TGFBR2: variants seen among roughly 807,000 people sequenced by gnomAD.
TGFBR2 encodes transforming growth factor beta receptor 2.
Under a neutral mutation model 49.0 loss-of-function variants are expected in TGFBR2, and 18 were observed. That is an observed-to-expected ratio of 0.37 (90% confidence interval 0.25 to 0.54). TGFBR2 has a LOEUF of 0.54. Ranked by LOEUF, TGFBR2 falls within the 20% of genes least tolerant of loss-of-function variation. The pLI, the probability that TGFBR2 is intolerant of heterozygous loss-of-function variation, is 0.85. For synonymous variants in TGFBR2, 282 were observed against 275.9 expected, an observed-to-expected ratio of 1.02 and a Z score of -0.22; for missense variants, 525 against 722.6, an observed-to-expected ratio of 0.73 and a Z score of 3.13.
intron 1 of TGFBR2, among the ~76,000 whole-genome samples, chr3:30,619,425 A>G (rs972445336): frequency 6.6e-6 from 1 of 152,174 alleles, no homozygotes; most frequent in Non-Finnish European, 1.5e-5. Context: ...TATGAATCCT[A>G]GATCATCACA....
intron 2 of TGFBR2, among the ~76,000 whole-genome samples, chr3:30,648,411 A>G (rs1195730974): frequency 1.0e-5 from 1 of 97,922 alleles, no homozygotes; most frequent in Non-Finnish European, 2.1e-5. Flanking sequence ...CCCAAACCAA[A>G]AACAACCTAC....
rs574133875 is a variant in TGFBR2, at chr3:30,644,778, C to T, written c.126C>T (p.Asn42=). The change falls in exon 2 of 7, where the codon AAC becomes AAT. Residue 42 remains asparagine (N), a synonymous_variant. Transcript: ENST00000295754. ...VNNDMIVTDN[N]GAVKFPQLCK... ...ACGACATGATAGTCACTGACAACAA[C>T]GGTGCAGTCAAGTTTCCACAACTGT... The T allele has an allele frequency of 8.7e-5, 140 of 1,614,104 alleles. 1 individual carries two copies. The highest frequency in any genetic ancestry group is 7.5e-4 in the South Asian group (68 of 91,072).
upstream of TGFBR2, chr3:30,606,372 T>C (rs1338694646): frequency 4.4e-6 from 1 of 225,916 alleles, no homozygotes; most frequent in Non-Finnish European, 8.8e-6. Context: ...GAGTAAATAC[T>C]TGGAGCGAGG....
intron 1 of TGFBR2, among the ~76,000 whole-genome samples, chr3:30,632,882 A>G (rs543545878): frequency 1.3e-5 from 2 of 152,362 alleles, no homozygotes; most frequent in East Asian, 3.9e-4. Context: ...TTTTTACCTT[A>G]AAACTCTTGG....
At chr3:30,640,449 A>G (rs1043153744) in intron 1 of TGFBR2, among the ~76,000 whole-genome samples, 2 of 152,234 alleles carry the variant, frequency 1.3e-5, no homozygotes, top group African/African-American at 2.4e-5. Flanking sequence ...ACCAAAATCT[A>G]CAGATGTTTA....
chr3:30,627,266 C>T (rs1012445708), intron 1 of TGFBR2, among the ~76,000 whole-genome samples: 1 of 152,046 alleles, frequency 6.6e-6, no homozygotes, highest in Admixed American at 6.6e-5. Context: ...CTTCTTTTTC[C>T]TAGGCCTCCC....
chr3:30,613,525 T>TGA lies in TGFBR2; in HGVS notation c.94+6573_94+6574dup, dbSNP rs34082216. ...CTCTGTGTGTGTGTGTGTCTGTATG[T>TGA]GAGAGAGAGAGAGAGAGAGAGAGAG... On this transcript the variant is annotated intron_variant, in intron 1 of 6. Coordinates refer to ENST00000295754, the MANE Select transcript of TGFBR2 (RefSeq NM_003242.6). Among the ~76,000 whole-genome samples, 216 of 148,584 alleles carry TGA rather than the reference T, an allele frequency of 1.5e-3. 2 individuals carry two copies. The highest frequency in any genetic ancestry group is 9.2e-3 in the South Asian group (43 of 4,680).
At chr3:30,614,115 C>CTTTTTTTTTTTTTTTTTTTTTTTTTCTT (rs5847643) in intron 1 of TGFBR2, among the ~76,000 whole-genome samples, 1 of 120,632 alleles carries the variant, frequency 8.3e-6, no homozygotes, top group Non-Finnish European at 1.7e-5. Context: ...TTTTTCTTTC[C>CTTTTTTTTTTTTTTTTTTTTTTTTTCTT]TTTTTTTTTT....
chr3:30,611,770 G>C (rs947106965), intron 1 of TGFBR2, among the ~76,000 whole-genome samples: 6 of 152,202 alleles, frequency 3.9e-5, no homozygotes, highest in African/African-American at 2.4e-5. Flanking sequence ...AGAGTAGCGT[G>C]GATATTATTT....
chr3:30,693,234 C>T lies in TGFBR2; in HGVS notation c.*1635C>T, dbSNP rs1305458601. The T allele has an allele frequency of 4.3e-6, 1 of 233,650 alleles. No homozygotes were observed. The highest frequency in any genetic ancestry group is 8.5e-6 in the Non-Finnish European group (1 of 118,020). The allele number at this position is 233,650 out of a possible 1,614,324, so 14.5% of individuals were successfully genotyped here. The stretch of plus-strand genomic sequence containing the variant: ...CTCCAAGAAGCTTTCCTCATGGTTA[C>T]CGTTCTCTCCATCATGCCAGCCTTC... On this transcript the variant is annotated 3_prime_UTR_variant, in exon 7 of 7. Coordinates refer to ENST00000295754, the MANE Select transcript of TGFBR2 (RefSeq NM_003242.6).
In TGFBR2 at chr3:30,691,909, TTA is replaced by T. The variant is rs4016180; in HGVS notation, c.*328_*329del. 69,572 of 241,958 alleles carry T rather than the reference TTA, an allele frequency of 0.29. 9,907 individuals are homozygous for T. Among genetic ancestry groups the T allele is most frequent in the Non-Finnish European group, 0.32 (39,312 of 122,134 alleles). 15.0% of individuals were successfully genotyped at this position (241,958 alleles called of 1,614,324 possible). ...GTATATAAATATGAATAGCTATGTTTTATATATATATATATATATCTATATAT... is the reference window on the plus strand; with the variant it reads ...GTATATAAATATGAATAGCTATGTTTTATATATATATATATATCTATATAT... On this transcript the variant is annotated 3_prime_UTR_variant, in exon 7 of 7. Coordinates refer to ENST00000295754, the MANE Select transcript of TGFBR2 (RefSeq NM_003242.6).
At chr3:30,691,366 CT>C (rs1699705907) in intron 6 of TGFBR2, 53 bp from the exon 7 acceptor site, 1 of 1,602,156 alleles carries the variant, frequency 6.2e-7, no homozygotes, top group East Asian at 2.2e-5. Flanking sequence ...GCCACCTTGC[CT>C]TCCGCGGAGC....
chr3:30,636,852 C>G (rs1210020696), intron 1 of TGFBR2, among the ~76,000 whole-genome samples: 2 of 151,804 alleles, frequency 1.3e-5, no homozygotes, highest in Non-Finnish European at 2.9e-5. Flanking sequence ...ATCACGAGGT[C>G]AGGAGATCGA....
intron 1 of TGFBR2, among the ~76,000 whole-genome samples, chr3:30,618,021 A>G (rs891685459): frequency 6.6e-6 from 1 of 152,194 alleles, no homozygotes; most frequent in Non-Finnish European, 1.5e-5. Flanking sequence ...GAGTTGGCTT[A>G]GTTTTATGAG....
At chr3:30,680,206 G>A (rs1159035465) in intron 5 of TGFBR2, among the ~76,000 whole-genome samples, 1 of 145,272 alleles carries the variant, frequency 6.9e-6, no homozygotes, top group African/African-American at 2.6e-5. Flanking sequence ...GTGCATCCTG[G>A]CAGTAGATAT....
chr3:30,663,266 A>G (rs941506244), intron 3 of TGFBR2, among the ~76,000 whole-genome samples: 1 of 130,348 alleles, frequency 7.7e-6, no homozygotes, highest in African/African-American at 2.9e-5. Flanking sequence ...AGTACAGTCC[A>G]TATTCAGATT....
rs1699745108 is a variant in TGFBR2, at chr3:30,693,348, A to G, written c.*1749A>G. 4.3e-6 allele frequency: 1 copy of G among 233,824 alleles called. No homozygotes were observed. Among genetic ancestry groups the G allele is most frequent in the East Asian group, 6.0e-5 (1 of 16,698 alleles). The allele number at this position is 233,824 out of a possible 1,614,324, so 14.5% of individuals were successfully genotyped here. A position where few individuals can be genotyped will look rare whatever the true frequency, so the allele number is the denominator to read the frequency against. ...TAGAAAATTTGTGTCCACAAGGACAAGAACAAAGTATGAGCTTTAAAACTC... is the reference window on the plus strand; with the variant it reads ...TAGAAAATTTGTGTCCACAAGGACAGGAACAAAGTATGAGCTTTAAAACTC... On this transcript the variant is annotated 3_prime_UTR_variant, in exon 7 of 7. Transcript: ENST00000295754.
intron 1 of TGFBR2, among the ~76,000 whole-genome samples, chr3:30,622,090 CA>C (rs1698241182): frequency 6.6e-6 from 1 of 152,184 alleles, no homozygotes; most frequent in Non-Finnish European, 1.5e-5. Context: ...AAGTGAAAAA[CA>C]ATGCTTGACC....
chr3:30,636,327 A>G (rs542330048), intron 1 of TGFBR2, among the ~76,000 whole-genome samples: 5 of 152,294 alleles, frequency 3.3e-5, no homozygotes, highest in East Asian at 3.9e-4. Context: ...TTTAAAAACT[A>G]TATTAGTATT....
Sources: allele counts gnomAD v4.1 joint callset (sites outside exome capture counted in the v4.1 genomes callset), GRCh38; gene constraint gnomAD v4.1.1; transcripts MANE v1.5; gene names NCBI Gene and HGNC (gene_info 2026-07-23, HGNC 2026-07-21).